ABCC4: variants seen among roughly 807,000 people sequenced by gnomAD.
ABCC4 encodes the protein ATP-binding cassette sub-family C member 4.
ABCC4 carries 102 observed loss-of-function variants against 168.5 expected under a neutral mutation model. That is an observed-to-expected ratio of 0.61 (90% confidence interval 0.52 to 0.71). The LOEUF is 0.71. Among genes scored for constraint, ABCC4 ranks in the 30% least tolerant of loss-of-function variants. The probability of loss-of-function intolerance (pLI) is 0.00; values close to 1 mark genes in which losing one functional copy is unlikely to be tolerated. For missense variants in ABCC4, 1,402 were observed against 1,605.8 expected, an observed-to-expected ratio of 0.87 and a Z score of 2.17; for synonymous variants, 617 against 590.7, an observed-to-expected ratio of 1.04 and a Z score of -0.65.
intron 27 of ABCC4, among the ~76,000 whole-genome samples, chr13:95,047,476 CTTTTTT>C (rs71111586): frequency 1.2e-5 from 1 of 83,370 alleles, no homozygotes; most frequent in Non-Finnish European, 2.1e-5. Flanking sequence ...ACTGCCTATT[CTTTTTT>C]TTTTTTTTTT....
rs1227230422 is a variant in ABCC4 at position 95,057,149 on chromosome 13, A to G, written c.3367-3965T>C. Among the ~76,000 whole-genome samples the G allele has an allele frequency of 2.0e-5, 3 of 152,188 alleles. No homozygotes were observed. The South Asian group carries it at 6.2e-4, about 31-fold the overall frequency. The stretch of plus-strand genomic sequence containing the variant: ...AAAGAAGCATACATTTCAGCTAACT[A>G]TTCTGTTTAGGGAAATTATTTAGGA... On this transcript the variant is annotated intron_variant, in intron 26 of 30. Transcript: ENST00000645237.
intron 20 of ABCC4, among the ~76,000 whole-genome samples, chr13:95,098,580 C>T (rs368716469): frequency 6.6e-5 from 10 of 152,054 alleles, no homozygotes; most frequent in East Asian, 5.8e-4. Flanking sequence ...CCAGTGAAGA[C>T]GAAATAAGCA....
At chr13:95,129,901 C>T (rs1426623764) in intron 19 of ABCC4, among the ~76,000 whole-genome samples, 1 of 151,852 alleles carries the variant, frequency 6.6e-6, no homozygotes, top group African/African-American at 2.4e-5. Context: ...GTGGTGAAAC[C>T]CTCTCTCCAC....
intron 3 of ABCC4, among the ~76,000 whole-genome samples, chr13:95,242,180 G>T (rs915050464): frequency 6.6e-6 from 1 of 151,984 alleles, no homozygotes; most frequent in Non-Finnish European, 1.5e-5. Context: ...ACCAAAAAAT[G>T]AAAAGCATCT....
intron 1 of ABCC4, among the ~76,000 whole-genome samples, chr13:95,296,770 A>G (rs1165675664): frequency 6.6e-6 from 1 of 152,102 alleles, no homozygotes; most frequent in Non-Finnish European, 1.5e-5. Context: ...TTCCTAGGAG[A>G]GTCTCAGGGA....
rs1231597855 is a variant in ABCC4, at chr13:95,287,052, A to C, written c.74+14189T>G. Among the ~76,000 whole-genome samples the C allele has an allele frequency of 2.6e-5, 4 of 152,196 alleles. No homozygotes were observed. The South Asian group carries it at 8.3e-4, about 32-fold the overall frequency. On this transcript the variant is annotated intron_variant, in intron 1 of 30. Coordinates refer to ENST00000645237, the MANE Select transcript of ABCC4 (RefSeq NM_005845.5). ...GATGGCTCACGCCTGTAACTCTAGC[A>C]CTTTGGGAGGCCAAGGTGGGCAGAT...
chr13:95,223,650 C>T (rs1438901889), intron 4 of ABCC4, among the ~76,000 whole-genome samples: 3 of 152,144 alleles, frequency 2.0e-5, no homozygotes, highest in East Asian at 3.9e-4. Flanking sequence ...TACAGGCGTC[C>T]GCCACCACAC....
At chr13:95,287,026 C>T (rs928807101) in intron 1 of ABCC4, among the ~76,000 whole-genome samples, 3 of 151,320 alleles carry the variant, frequency 2.0e-5, no homozygotes, top group Non-Finnish European at 4.4e-5. Flanking sequence ...TGACCGGGCA[C>T]GATGGCTCAC....
intron 1 of ABCC4, among the ~76,000 whole-genome samples, chr13:95,288,926 T>C (rs138719284): frequency 0.014 from 2,090 of 152,362 alleles, 20 homozygotes; most frequent in Middle Eastern, 0.024. Context: ...CTTAATCAAC[T>C]TAGAATTCAT....
chr13:95,112,350 C>CA (rs35484789), intron 20 of ABCC4, among the ~76,000 whole-genome samples: 186 of 131,676 alleles, frequency 1.4e-3, no homozygotes, highest in East Asian at 2.8e-3. Context: ...GAGACCATCT[C>CA]AAAAAAAAAA....
chr13:95,155,068 T>G (rs1185151817), intron 19 of ABCC4, among the ~76,000 whole-genome samples: 2 of 152,146 alleles, frequency 1.3e-5, no homozygotes, highest in East Asian at 3.8e-4. Flanking sequence ...CACAAATTAT[T>G]TAGCAACTTG....
chr13:95,102,176 G>A (rs555156424), intron 20 of ABCC4, among the ~76,000 whole-genome samples: 2 of 152,230 alleles, frequency 1.3e-5, no homozygotes, highest in East Asian at 3.9e-4. Flanking sequence ...TCTGGGTCTG[G>A]CTCTGTTGCT....
chr13:95,157,916 C>CA (rs11371310), intron 19 of ABCC4, among the ~76,000 whole-genome samples: 4,294 of 151,544 alleles, frequency 0.028, 179 homozygotes, highest in African/African-American at 0.095. Context: ...TAAAAAAGTA[C>CA]AAAAAATTAG....
At chr13:95,132,718 T>C (rs1198744660) in intron 19 of ABCC4, among the ~76,000 whole-genome samples, 12 of 152,286 alleles carry the variant, frequency 7.9e-5, no homozygotes, top group African/African-American at 2.2e-4. Context: ...ATACACACCA[T>C]GCAATATTAT....
intron 20 of ABCC4, among the ~76,000 whole-genome samples, chr13:95,094,737 C>T (rs116096127): frequency 0.013 from 1,927 of 152,304 alleles, 39 homozygotes; most frequent in African/African-American, 0.045. Context: ...AGAGACAACA[C>T]ACAGAGTGGG....
intron 1 of ABCC4, among the ~76,000 whole-genome samples, chr13:95,248,051 C>A (rs1416740568): frequency 6.6e-6 from 1 of 151,938 alleles, no homozygotes; most frequent in Non-Finnish European, 1.5e-5. Flanking sequence ...TAAAAGGAAC[C>A]AGAGCTTCCT....
At chr13:95,066,382 T>C (rs2033545880) in intron 25 of ABCC4, among the ~76,000 whole-genome samples, 1 of 152,146 alleles carries the variant, frequency 6.6e-6, no homozygotes, top group Non-Finnish European at 1.5e-5. Context: ...CAGGCATTTA[T>C]ATACTACTTT....
At chr13:95,250,724 C>T (rs2040231204) in intron 1 of ABCC4, among the ~76,000 whole-genome samples, 1 of 148,490 alleles carries the variant, frequency 6.7e-6, no homozygotes, top group African/African-American at 2.5e-5. Flanking sequence ...TGTTTTTTCC[C>T]CCAAGGATTT....
At chr13:95,084,679 TCC>T (rs1594069923) in intron 20 of ABCC4, among the ~76,000 whole-genome samples, 1 of 152,220 alleles carries the variant, frequency 6.6e-6, no homozygotes, top group Non-Finnish European at 1.5e-5. Flanking sequence ...CATTAAATTT[TCC>T]ACGATTAGGA....
Sources: allele counts gnomAD v4.1 joint callset (sites outside exome capture counted in the v4.1 genomes callset), GRCh38; gene constraint gnomAD v4.1.1; transcripts MANE v1.5; gene names NCBI Gene and HGNC (gene_info 2026-07-23, HGNC 2026-07-21).